Variants in KIAA1328 observed in about 807,000 individuals in gnomAD.
KIAA1328 encodes KIAA1328.
A neutral mutation model predicts 68.1 loss-of-function variants in KIAA1328; 52 were observed. That is an observed-to-expected ratio of 0.76 (90% CI 0.61 to 0.96). The LOEUF is 0.96. Ranked by LOEUF, KIAA1328 falls within the 40% of genes least tolerant of loss-of-function variation. KIAA1328 has a pLI of 0.00. For synonymous variants in KIAA1328, 232 were observed against 239.4 expected, an observed-to-expected ratio of 0.97 and a Z score of 0.28; for missense variants, 641 against 677.6, an observed-to-expected ratio of 0.95 and a Z score of 0.60.
chr18:37,211,619 A>G (rs1207906555), intron 9 of KIAA1328, among the ~76,000 whole-genome samples: 1 of 152,172 alleles, frequency 6.6e-6, no homozygotes, highest in Non-Finnish European at 1.5e-5. Context: ...AAAATAATTG[A>G]ACTGTATTAA....
At chr18:37,075,182 A>G (rs1312915403) in intron 7 of KIAA1328, 3 of 151,886 alleles carry the variant, frequency 2.0e-5, no homozygotes, top group South Asian at 4.1e-4. Context: ...AATATTCAAC[A>G]TTCTTAAAGA....
intron 9 of KIAA1328, among the ~76,000 whole-genome samples, chr18:37,191,846 GGAGTGAGGT>G (rs1370346846): frequency 6.6e-6 from 1 of 152,066 alleles, no homozygotes; most frequent in East Asian, 1.9e-4. Context: ...ATCAACAAGG[GGAGTGAGGT>G]CTTTGTGTAT....
At chr18:37,022,003 G>A (rs923475785) in intron 6 of KIAA1328, among the ~76,000 whole-genome samples, 7 of 151,910 alleles carry the variant, frequency 4.6e-5, no homozygotes, top group East Asian at 1.9e-4. Flanking sequence ...TCGTGCCACC[G>A]CACTCCTGCC....
chr18:37,215,217 T>C (rs2060404341), intron 9 of KIAA1328, among the ~76,000 whole-genome samples: 1 of 152,256 alleles, frequency 6.6e-6, no homozygotes. Flanking sequence ...AGGGCATCCC[T>C]GTCTTGTGCC....
chr18:36,920,009 C>G (rs1035766151), intron 5 of KIAA1328, among the ~76,000 whole-genome samples: 1 of 152,066 alleles, frequency 6.6e-6, no homozygotes, highest in Non-Finnish European at 1.5e-5. Context: ...TATCTTCACC[C>G]GTTCTGTAGG....
chr18:37,162,144 T>C (rs1260115820), intron 8 of KIAA1328, among the ~76,000 whole-genome samples: 1 of 152,210 alleles, frequency 6.6e-6, no homozygotes, highest in Non-Finnish European at 1.5e-5. Flanking sequence ...GCTATACCAA[T>C]CAATTTAACC....
intron 3 of KIAA1328, among the ~76,000 whole-genome samples, chr18:36,836,161 G>A (rs1365146698): frequency 6.6e-6 from 1 of 152,056 alleles, no homozygotes; most frequent in Non-Finnish European, 1.5e-5. Context: ...TATTTCCAGT[G>A]CCTCATTTAT....
In KIAA1328 at chr18:36,977,272, T is replaced by C. The variant is rs571806107; in HGVS notation, c.576+17837T>C. Among the ~76,000 whole-genome samples the C allele has an allele frequency of 2.6e-5, 4 of 152,326 alleles. No homozygotes were observed. In the East Asian group the frequency reaches 5.8e-4, roughly 22 times the overall value. On this transcript the variant is annotated intron_variant, in intron 6 of 9. Transcript: ENST00000280020. ...GCATCGTGAGGTAATCCTTTTCTCA[T>C]TGGCTAGCTAACTGTGTTGGTAGCT...
At chr18:37,033,055 A>G (rs369431292) in intron 6 of KIAA1328, among the ~76,000 whole-genome samples, 2 of 152,242 alleles carry the variant, frequency 1.3e-5, no homozygotes, top group South Asian at 4.1e-4. Flanking sequence ...TTTTAGAAAT[A>G]TGATAATGAT....
At chr18:36,933,813 TGTCA>T (rs551231549) in intron 5 of KIAA1328, among the ~76,000 whole-genome samples, 44 of 152,354 alleles carry the variant, frequency 2.9e-4, no homozygotes, top group African/African-American at 9.6e-4. Flanking sequence ...TTGAGAGGGC[TGTCA>T]GTCAGGAGAG....
At chr18:37,100,588 C>G (rs141213732) in intron 7 of KIAA1328, among the ~76,000 whole-genome samples, 1,636 of 152,352 alleles carry the variant, frequency 0.011, 17 homozygotes, top group Middle Eastern at 0.034. Flanking sequence ...GACTCCACCT[C>G]TGGGGGCAGG....
intron 8 of KIAA1328, among the ~76,000 whole-genome samples, chr18:37,163,500 T>C (rs2059325297): frequency 6.6e-6 from 1 of 152,322 alleles, no homozygotes; most frequent in South Asian, 2.1e-4. Flanking sequence ...TTAGGTTATA[T>C]GATTTTATAT....
intron 9 of KIAA1328, among the ~76,000 whole-genome samples, chr18:37,207,547 G>T (rs2060238961): frequency 6.6e-6 from 1 of 152,186 alleles, no homozygotes; most frequent in Non-Finnish European, 1.5e-5. Context: ...CCCAATAGTT[G>T]TAAATCGCCC....
chr18:37,158,271 T>C (rs1444940920), intron 7 of KIAA1328, among the ~76,000 whole-genome samples: 1 of 152,170 alleles, frequency 6.6e-6, no homozygotes, highest in African/African-American at 2.4e-5. Context: ...ATTTCTGGCC[T>C]CAGGTGTGGG....
At chr18:37,080,428 A>C (rs1438649293) in intron 7 of KIAA1328, among the ~76,000 whole-genome samples, 1 of 152,174 alleles carries the variant, frequency 6.6e-6, no homozygotes, top group Non-Finnish European at 1.5e-5. Flanking sequence ...TTTGTGAAGG[A>C]AATATATCCA....
intron 5 of KIAA1328, among the ~76,000 whole-genome samples, chr18:36,929,200 A>G (rs2050226153): frequency 6.6e-6 from 1 of 152,070 alleles, no homozygotes; most frequent in Admixed American, 6.6e-5. Flanking sequence ...ACTAGTTTCT[A>G]TCTTGAATAT....
chr18:37,075,872 A>C (rs1473812390), intron 7 of KIAA1328, among the ~76,000 whole-genome samples: 4 of 152,256 alleles, frequency 2.6e-5, no homozygotes, highest in Non-Finnish European at 5.9e-5. Context: ...AGACTCCCAC[A>C]GAATAATAAT....
chr18:37,024,449 A>G (rs960733428), intron 6 of KIAA1328, among the ~76,000 whole-genome samples: 2 of 151,690 alleles, frequency 1.3e-5, no homozygotes, highest in Non-Finnish European at 2.9e-5. Flanking sequence ...AAATATGTAT[A>G]CATGTGCCAG....
In KIAA1328 at chr18:37,223,800, C is replaced by T. The variant is rs1366123302; in HGVS notation, c.*1573C>T. ...CTTCAGGCTGAGACTGGCGCTGTCA[C>T]CTCCACCCAGCCTTCTTTCACTTGG... On this transcript the variant is annotated 3_prime_UTR_variant, in exon 10 of 10. Transcript: ENST00000280020. 4.1e-6 allele frequency: 4 copies of T among 985,242 alleles called. No homozygotes were observed. The African/African-American group carries it at 7.0e-5, about 17-fold the overall frequency. The allele number at this position is 985,242 out of a possible 1,614,324, so 61.0% of individuals were successfully genotyped here. A position where few individuals can be genotyped will look rare whatever the true frequency, so the allele number is the denominator to read the frequency against.
Sources: allele counts gnomAD v4.1 joint callset (sites outside exome capture counted in the v4.1 genomes callset), GRCh38; gene constraint gnomAD v4.1.1; transcripts MANE v1.5; gene names NCBI Gene and HGNC (gene_info 2026-07-23, HGNC 2026-07-21).